Variants in EBF3 observed in about 807,000 individuals in gnomAD.
EBF3 encodes the protein transcription factor COE3.
A neutral mutation model predicts 77.1 loss-of-function variants in EBF3; 18 were observed. That is an observed-to-expected ratio of 0.23 (90% CI 0.16 to 0.35). The LOEUF is 0.35. EBF3 is among the 10% of genes least tolerant of loss of function. EBF3 has a pLI of 1.00. For synonymous variants in EBF3, 350 were observed against 343.5 expected (o/e 1.02, Z -0.21); for missense variants, 558 against 860.0 (o/e 0.65, Z 4.39).
intron 10 of EBF3, among the ~76,000 whole-genome samples, chr10:129,865,726 C>T (rs1456228179): frequency 2.6e-5 from 4 of 152,218 alleles, no homozygotes; most frequent in African/African-American, 4.8e-5. Flanking sequence ...TTGCTCACTC[C>T]GTCCTTCCTA....
intron 4 of EBF3, among the ~76,000 whole-genome samples, chr10:129,961,532 G>A (rs563620278): frequency 1.3e-5 from 2 of 152,350 alleles, no homozygotes; most frequent in East Asian, 1.9e-4. Flanking sequence ...GGAACTGCTT[G>A]TAATTATGTT....
chr10:129,962,930 G>A lies in EBF3; in HGVS notation c.355+12C>T, dbSNP rs780893652. ...CCGCTGCAGGGGCGGCGAGCACGCAGCAGGCACTTACCGTTGCTGTACAAT... is the reference window on the plus strand; with the variant it reads ...CCGCTGCAGGGGCGGCGAGCACGCAACAGGCACTTACCGTTGCTGTACAAT... On this transcript the variant is annotated intron_variant, in intron 3 of 16. Transcript: ENST00000440978. 6.2e-7 allele frequency: 1 copy of A among 1,613,826 alleles called. No homozygotes were observed. Among genetic ancestry groups the A allele is most frequent in the Non-Finnish European group, 8.5e-7 (1 of 1,179,828 alleles).
intron 6 of EBF3, among the ~76,000 whole-genome samples, chr10:129,914,176 C>T (rs1405322556): frequency 6.6e-6 from 1 of 152,228 alleles, no homozygotes; most frequent in African/African-American, 2.4e-5. Context: ...GGCAGAGGGG[C>T]TGACCTCTCC....
intron 6 of EBF3, among the ~76,000 whole-genome samples, chr10:129,896,221 T>A (rs1336728758): frequency 1.3e-5 from 2 of 152,208 alleles, no homozygotes; most frequent in Non-Finnish European, 2.9e-5. Flanking sequence ...AGAGCATGTG[T>A]ATCGTCCAAC....
intron 6 of EBF3, among the ~76,000 whole-genome samples, chr10:129,948,422 G>A (rs1447365693): frequency 6.6e-6 from 1 of 152,116 alleles, no homozygotes; most frequent in Non-Finnish European, 1.5e-5. Flanking sequence ...GTGGCTAGGT[G>A]GAGCACATGT....
chr10:129,899,048 C>A (rs376646028), intron 6 of EBF3, among the ~76,000 whole-genome samples: 8 of 151,382 alleles, frequency 5.3e-5, no homozygotes, highest in Admixed American at 4.0e-4. Context: ...CGCCGGCTCC[C>A]GTTCAGCATC....
intron 11 of EBF3, among the ~76,000 whole-genome samples, chr10:129,847,695 T>C (rs978497184): frequency 3.9e-5 from 6 of 151,968 alleles, no homozygotes; most frequent in Non-Finnish European, 7.4e-5. Flanking sequence ...GGAAATCAGA[T>C]AGGGCTTCTA....
chr10:129,878,348 A>G (rs1381598797), intron 6 of EBF3, among the ~76,000 whole-genome samples: 1 of 152,210 alleles, frequency 6.6e-6, no homozygotes, highest in Non-Finnish European at 1.5e-5. Context: ...CTAATTCCAG[A>G]GGCTACCACT....
At chr10:129,838,935 C>A in intron 16 of EBF3, 148 bp downstream of exon 16, 1 of 660,578 alleles carries the variant, frequency 1.5e-6, no homozygotes, top group Non-Finnish European at 2.3e-6. Context: ...ACGGGCAGGG[C>A]CGCGGCACCT....
chr10:129,840,170 G>A lies in EBF3; in HGVS notation c.1759+75C>T, dbSNP rs375222399. The A allele has an allele frequency of 9.5e-6, 14 of 1,474,912 alleles. 1 individual carries two copies. Among genetic ancestry groups the A allele is most frequent in the Admixed American group, 6.6e-5 (3 of 45,470 alleles). The allele number at this position is 1,474,912 out of a possible 1,614,324, so 91.4% of individuals were successfully genotyped here. On this transcript the variant is annotated intron_variant, in intron 15 of 16. Coordinates refer to ENST00000440978, the MANE Select transcript of EBF3 (RefSeq NM_001375380.1). ...TCACAGAGGTGCCAGGAGAAAGGCC[G>A]AGCCCCCACCCCCACTCCCATCCCC...
intron 6 of EBF3, among the ~76,000 whole-genome samples, chr10:129,905,669 G>C (rs1855093030): frequency 6.6e-6 from 1 of 152,084 alleles, no homozygotes; most frequent in Non-Finnish European, 1.5e-5. Flanking sequence ...CAGCCTCTGG[G>C]AGGCCACACA....
rs563418469 is a variant in EBF3, at chr10:129,841,808, G to C, written c.1372+308C>G. Among the ~76,000 whole-genome samples, 1 of 152,242 alleles carries C rather than the reference G, an allele frequency of 6.6e-6. No individual in the cohort carries two copies. Among genetic ancestry groups the C allele is most frequent in the African/African-American group, 2.4e-5 (1 of 41,540 alleles). ...CATGGCTATCCTATGGCTTAGCCCA[G>C]ACTTCCAAGGAAAGCAAAGTCTCTT... is the stretch of plus-strand genomic sequence containing the variant. On this transcript the variant is annotated intron_variant, in intron 13 of 16. Transcript: ENST00000440978. The surrounding 1 kb of genome is among the most constrained non-coding windows in gnomAD (Gnocchi z 4.6).
chr10:129,917,675 A>AAAAAAAAAAAAAAAAAAAAAAAAAAAT (rs1855985901), intron 6 of EBF3, among the ~76,000 whole-genome samples: 1 of 150,272 alleles, frequency 6.7e-6, no homozygotes, highest in Non-Finnish European at 1.5e-5. Context: ...AAAAAAAAAA[A>AAAAAAAAAAAAAAAAAAAAAAAAAAAT]AAAACTAAAA....
intron 8 of EBF3, among the ~76,000 whole-genome samples, chr10:129,871,142 C>A (rs1041252135): frequency 2.0e-5 from 3 of 152,190 alleles, no homozygotes; most frequent in East Asian, 3.9e-4. Context: ...AACCGCATTA[C>A]GGCACTTGGC....
At chr10:129,907,745 A>G (rs905959642) in intron 6 of EBF3, among the ~76,000 whole-genome samples, 1 of 152,264 alleles carries the variant, frequency 6.6e-6, no homozygotes, top group African/African-American at 2.4e-5. Flanking sequence ...ATAGACTGCG[A>G]TCGTGAATTA....
At chr10:129,904,122 C>T (rs1399430448) in intron 6 of EBF3, among the ~76,000 whole-genome samples, 1 of 152,170 alleles carries the variant, frequency 6.6e-6, no homozygotes, top group Non-Finnish European at 1.5e-5. Context: ...CATGCCCTTC[C>T]ACCTAGAATG....
At chr10:129,929,210 A>AT (rs1856853173) in intron 6 of EBF3, among the ~76,000 whole-genome samples, 1 of 151,754 alleles carries the variant, frequency 6.6e-6, no homozygotes, top group Non-Finnish European at 1.5e-5. Flanking sequence ...ATTTTTATTT[A>AT]TTTATTTATT....
chr10:129,875,270 C>T (rs1852689795), intron 7 of EBF3, among the ~76,000 whole-genome samples: 1 of 144,164 alleles, frequency 6.9e-6, no homozygotes, highest in Admixed American at 7.1e-5. Context: ...GATCTCAGCT[C>T]ACCCCAACCT....
chr10:129,846,108 T>TGTGTGTG, intron 11 of EBF3, among the ~76,000 whole-genome samples: 1 of 139,694 alleles, frequency 7.2e-6, no homozygotes, highest in South Asian at 2.4e-4. Flanking sequence ...ATTCTGGGCT[T>TGTGTGTG]TGTGTGTGTG....
Sources: allele counts gnomAD v4.1 joint callset (sites outside exome capture counted in the v4.1 genomes callset), GRCh38; gene constraint gnomAD v4.1.1; non-coding constraint Gnocchi (gnomAD v3.1); transcripts MANE v1.5; gene names NCBI Gene and HGNC (gene_info 2026-07-23, HGNC 2026-07-21).